The following NLRC5 variants were observed in gnomAD, a reference collection of about 807,000 sequenced individuals.
NLRC5 encodes protein NLRC5.
Under a neutral mutation model 206.9 loss-of-function variants are expected in NLRC5, and 114 were observed. That is an observed-to-expected ratio of 0.55 (90% CI 0.47 to 0.64). The LOEUF (loss-of-function observed/expected upper bound fraction) is 0.64. Ranked by LOEUF, NLRC5 falls within the 30% of genes least tolerant of loss-of-function variation. The pLI, the probability that NLRC5 is intolerant of heterozygous loss-of-function variation, is 0.00. For missense variants in NLRC5, 2,008 were observed against 2,305.5 expected (o/e 0.87, Z 2.64); for synonymous variants, 952 against 962.8 (o/e 0.99, Z 0.21).
Position 57,037,203 on chromosome 16 carries a change from A to G in NLRC5, c.2720A>G (p.Asn907Ser), listed in dbSNP as rs761228376. Residue 907 changes from asparagine to serine, a missense_variant, in exon 15 of 49, where the codon AAC (asparagine) becomes AGC (serine). Transcript: ENST00000688547. ...LHIARKLDLSNNGLSVAGVHC... is the reference protein window; with the variant it reads ...LHIARKLDLSSNGLSVAGVHC... ...TCTCCTGCTCTCCACAGCCTCAGTA[A>G]CAACGGGCTTTCTGTGGCCGGGGTG... 6 of 1,613,752 alleles carry G rather than the reference A, an allele frequency of 3.7e-6. No homozygotes were observed. In the East Asian group the frequency reaches 1.3e-4, roughly 36 times the overall value.
In NLRC5 at chr16:57,062,091, C is replaced by A. The variant is rs2066584440; in HGVS notation, c.4154+390C>A. 6 of 1,206,428 alleles carry A rather than the reference C, an allele frequency of 5.0e-6. No individual in the cohort carries two copies. The South Asian group carries it at 6.7e-5, about 13-fold the overall frequency. 74.7% of individuals were successfully genotyped at this position (1,206,428 alleles called of 1,614,324 possible). On this transcript the variant is annotated intron_variant, in intron 32 of 48. Coordinates refer to ENST00000688547, the MANE Select transcript of NLRC5 (RefSeq NM_001384950.1). ...GAATAATTTTTTAAAACTCCTATTCCCAGAACCTAGGTTTGACAGTTGTTC... is the reference window on the plus strand; with the variant it reads ...GAATAATTTTTTAAAACTCCTATTCACAGAACCTAGGTTTGACAGTTGTTC...
At position 57,067,384 on chromosome 16, in the gene NLRC5, C is replaced by T; in HGVS notation, c.4323-3C>T. On this transcript the variant is annotated splice_region_variant and splice_polypyrimidine_tract_variant and intron_variant, in intron 34 of 48. Coordinates refer to ENST00000688547, the MANE Select transcript of NLRC5 (RefSeq NM_001384950.1). ...AAACTGTCGTCTCCCTGTCTGTGTC[C>T]AGGTTGGCTCACTGTGACCTTGGAG... The T allele has an allele frequency of 6.2e-7, 1 of 1,614,022 alleles. No individual in the cohort carries two copies. Among genetic ancestry groups the T allele is most frequent in the East Asian group, 2.2e-5 (1 of 44,886 alleles).
intron 5 of NLRC5, among the ~76,000 whole-genome samples, 154 bp downstream of exon 5, chr16:57,024,007 G>A (rs1280214782): frequency 6.6e-6 from 1 of 152,242 alleles, no homozygotes; most frequent in Non-Finnish European, 1.5e-5. Context: ...TGGAGGTCTT[G>A]CACAGGCAGA....
intron 39 of NLRC5, among the ~76,000 whole-genome samples, chr16:57,075,086 G>C (rs2145026553): frequency 7.9e-6 from 1 of 126,846 alleles, no homozygotes; most frequent in East Asian, 2.3e-4. Context: ...CTGGAGTGCA[G>C]TGGCAATGCA....
In NLRC5 at chr16:57,033,639, A is replaced by G. The variant is rs763617563; in HGVS notation, c.2513A>G (p.Lys838Arg). 6.2e-7 allele frequency: 1 copy of G among 1,614,088 alleles called. No homozygotes were observed. Among genetic ancestry groups the G allele is most frequent in the South Asian group, 1.1e-5 (1 of 91,084 alleles). The change falls in exon 12 of 49, where the codon AAA (lysine) becomes AGA (arginine). Residue 838 changes from lysine to arginine, a missense_variant. Lys to Arg is a conservative substitution (Grantham distance 26). Coordinates refer to ENST00000688547, the MANE Select transcript of NLRC5 (RefSeq NM_001384950.1). ...PDLQESDGQR[K>R]GAQSRSLTLR... ...CTGCAGGAAAGTGACGGCCAGAGGA[A>G]AGGGGCTCAGAGCAGAAGCTTGACG...
intron 2 of NLRC5, among the ~76,000 whole-genome samples, chr16:57,018,670 A>G (rs1365474452): frequency 4.0e-5 from 6 of 151,864 alleles, no homozygotes; most frequent in Non-Finnish European, 7.4e-5. Flanking sequence ...TTCTGGGTGG[A>G]CCTCCTACTC....
At chr16:57,027,494 G>T (rs918012007) in intron 6 of NLRC5, among the ~76,000 whole-genome samples, 1 of 152,342 alleles carries the variant, frequency 6.6e-6, no homozygotes, top group Admixed American at 6.5e-5. Context: ...AGGCTAGGCT[G>T]CAGTAACAGA....
At chr16:57,075,406 G>A (rs1331182473) in intron 39 of NLRC5, among the ~76,000 whole-genome samples, 8 of 152,124 alleles carry the variant, frequency 5.3e-5, no homozygotes, top group African/African-American at 1.7e-4. Flanking sequence ...TTTTGGTAGA[G>A]ACAGTGTTTC....
intron 18 of NLRC5, 48 bp from the exon 19 acceptor site, chr16:57,041,934 C>A: frequency 7.6e-7 from 1 of 1,311,866 alleles, no homozygotes. Flanking sequence ...TGCCAGCAAC[C>A]CACTCCCCAC....
At chr16:57,005,498 T>A (rs2058788598) in intron 1 of NLRC5, among the ~76,000 whole-genome samples, 1 of 144,516 alleles carries the variant, frequency 6.9e-6, no homozygotes, top group Non-Finnish European at 1.5e-5. Flanking sequence ...ATCTTAATAT[T>A]AAAAAAAAAA....
At chr16:57,066,349 C>T (rs111807623) in intron 33 of NLRC5, among the ~76,000 whole-genome samples, 185 bp from the exon 34 acceptor site, 51 of 152,010 alleles carry the variant, frequency 3.4e-4, no homozygotes, top group African/African-American at 1.1e-3. Flanking sequence ...TGAAAAGGCA[C>T]TACTTGGGGT....
Position 57,067,402 on chromosome 16 carries a change from C to A in NLRC5, c.4338C>A (p.Asp1446Glu). The A allele has an allele frequency of 6.2e-7, 1 of 1,614,202 alleles. No homozygotes were observed. Among genetic ancestry groups the A allele is most frequent in the Admixed American group, 1.7e-5 (1 of 60,030 alleles). Residue 1446 changes from aspartate to glutamate, a missense_variant, in exon 35 of 49, where the codon GAC (aspartate) becomes GAA (glutamate). Coordinates refer to ENST00000688547, the MANE Select transcript of NLRC5 (RefSeq NM_001384950.1). ...EAVALRLAHC[D>E]LGAHHSLLVG... Reference sequence around the variant, plus strand: ...CTGTGTCCAGGTTGGCTCACTGTGACCTTGGAGCCCACCACAGCCTTCTTG... The same window carrying A: ...CTGTGTCCAGGTTGGCTCACTGTGAACTTGGAGCCCACCACAGCCTTCTTG...
At chr16:57,033,884 A>C (rs1435690231) in intron 12 of NLRC5, among the ~76,000 whole-genome samples, 3 of 152,224 alleles carry the variant, frequency 2.0e-5, no homozygotes, top group African/African-American at 7.2e-5. Context: ...GGAACCGGCT[A>C]TCTATATGCC....
chr16:57,013,978 A>C, intron 1 of NLRC5: 1 of 413,410 alleles, frequency 2.4e-6, no homozygotes, highest in Non-Finnish European at 4.6e-6. Flanking sequence ...CCCTTAAGGG[A>C]AGTTCATTCT....
intron 27 of NLRC5, 35 bp from the exon 28 acceptor site, chr16:57,058,030 C>T (rs769034554): frequency 7.0e-6 from 11 of 1,569,690 alleles, no homozygotes; most frequent in African/African-American, 2.7e-5. Flanking sequence ...GAGGAGGCAC[C>T]TCTGATCCCC....
chr16:56,993,074 T>G (rs1229047720), intron 1 of NLRC5, among the ~76,000 whole-genome samples: 2 of 101,622 alleles, frequency 2.0e-5, no homozygotes, highest in African/African-American at 6.1e-5. Flanking sequence ...TCTAAGTGTG[T>G]TTTTACAAAC....
chr16:57,025,043 G>T (rs1234698159), intron 5 of NLRC5, among the ~76,000 whole-genome samples: 2 of 152,136 alleles, frequency 1.3e-5, no homozygotes, highest in Non-Finnish European at 1.5e-5. Flanking sequence ...TTGCAAAGGA[G>T]GTGCCCTATT....
chr16:57,040,068 G>A (rs932028940), intron 16 of NLRC5, among the ~76,000 whole-genome samples: 1 of 152,244 alleles, frequency 6.6e-6, no homozygotes, highest in African/African-American at 2.4e-5. Flanking sequence ...AGGAGCCCCA[G>A]TGTGTAGGAT....
chr16:57,019,505 C>A (rs903297050), intron 2 of NLRC5, among the ~76,000 whole-genome samples: 2 of 152,158 alleles, frequency 1.3e-5, no homozygotes, highest in Non-Finnish European at 2.9e-5. Context: ...AAGCACTAAA[C>A]AACAGTGGCT....
Sources: gnomAD v4.1 joint callset for allele counts (sites outside exome capture counted in the v4.1 genomes callset) on GRCh38, gnomAD v4.1.1 for gene constraint, MANE v1.5 for transcripts, NCBI Gene and HGNC (gene_info 2026-07-23, HGNC 2026-07-21) for gene names.